Variants in PDE1A observed in about 807,000 individuals in gnomAD.
The protein encoded by PDE1A is dual specificity calcium/calmodulin-dependent 3',5'-cyclic nucleotide phosphodiesterase 1A.
PDE1A carries 35 observed loss-of-function variants against 61.7 expected under a neutral mutation model. The observed-to-expected ratio is 0.57, with a 90% CI of 0.43 to 0.75. The LOEUF (loss-of-function observed/expected upper bound fraction) is 0.75. PDE1A is among the 30% of genes least tolerant of loss of function. The pLI, the probability that PDE1A is intolerant of heterozygous loss-of-function variation, is 0.00. For synonymous variants in PDE1A, 232 were observed against 213.2 expected, an observed-to-expected ratio of 1.09 and a Z score of -0.77; for missense variants, 597 against 630.6, an observed-to-expected ratio of 0.95 and a Z score of 0.57.
the PDE1A span, among the ~76,000 whole-genome samples, chr2:182,612,795 A>T: frequency 6.6e-6 from 1 of 152,230 alleles, no homozygotes; most frequent in Non-Finnish European, 1.5e-5. Flanking sequence ...TTTAGATCGA[A>T]ATTAAATTGA....
intron 2 of PDE1A, among the ~76,000 whole-genome samples, chr2:182,255,918 C>T (rs906552968): frequency 6.6e-6 from 1 of 151,680 alleles, no homozygotes; most frequent in Non-Finnish European, 1.5e-5. Flanking sequence ...ATGATCCACC[C>T]GCCTCGGCCT....
At chr2:182,305,994 A>T (rs1461963919) in intron 1 of PDE1A, among the ~76,000 whole-genome samples, 1 of 152,108 alleles carries the variant, frequency 6.6e-6, no homozygotes, top group Non-Finnish European at 1.5e-5. Context: ...TATTTCTCTT[A>T]TTTAACTAAA....
intron 1 of PDE1A, among the ~76,000 whole-genome samples, chr2:182,399,874 T>G (rs1158557945): frequency 6.6e-6 from 1 of 152,066 alleles, no homozygotes; most frequent in Non-Finnish European, 1.5e-5. Context: ...TTACAAACAA[T>G]GCTGAAATCA....
intron 13 of PDE1A, among the ~76,000 whole-genome samples, chr2:182,158,907 T>C (rs114347559): frequency 0.016 from 2,483 of 152,318 alleles, 63 homozygotes; most frequent in African/African-American, 0.057. Context: ...TAAATACATA[T>C]GACAGAGATC....
chr2:182,198,586 G>T (rs1405908061), intron 10 of PDE1A, among the ~76,000 whole-genome samples: 1 of 151,368 alleles, frequency 6.6e-6, no homozygotes, highest in African/African-American at 2.4e-5. Flanking sequence ...ATATCTATAG[G>T]GTTGATAATT....
chr2:182,207,961 G>A (rs1373101400), intron 7 of PDE1A, among the ~76,000 whole-genome samples: 7 of 152,360 alleles, frequency 4.6e-5, no homozygotes, highest in African/African-American at 1.7e-4. Context: ...AGGCCTGTAG[G>A]TATGCAGACA....
chr2:182,218,686 G>T (rs1179898326), intron 7 of PDE1A, among the ~76,000 whole-genome samples: 2 of 152,140 alleles, frequency 1.3e-5, no homozygotes, highest in East Asian at 1.9e-4. Flanking sequence ...GGAATGTTTT[G>T]TAAAATGCTT....
the PDE1A span, among the ~76,000 whole-genome samples, chr2:182,537,684 G>T: frequency 3.3e-5 from 5 of 151,938 alleles, no homozygotes; most frequent in East Asian, 1.9e-4. Context: ...AATTAAGAAG[G>T]CCTGTATATA....
intron 13 of PDE1A, among the ~76,000 whole-genome samples, chr2:182,170,670 C>T (rs78637520): frequency 0.033 from 4,975 of 151,984 alleles, 268 homozygotes; most frequent in African/African-American, 0.11. Flanking sequence ...TAAGTTCTCA[C>T]CTTGGATTTA....
At chr2:182,665,618 G>A in the PDE1A span, among the ~76,000 whole-genome samples, 2 of 152,100 alleles carry the variant, frequency 1.3e-5, no homozygotes, top group African/African-American at 4.8e-5. Context: ...ACTGTTGGTG[G>A]GAATGTAAAT....
rs938150350 is a variant in PDE1A, at chr2:182,209,101, A to G, written c.777-3036T>C. ...AAGTGGAATAATGTATTATTAGTCC[A>G]TTTTCAAGCTGCTGATAAAGACATA... On this transcript the variant is annotated intron_variant, in intron 7 of 13. Coordinates refer to ENST00000351439, the Ensembl canonical transcript of PDE1A. 8.3e-4 allele frequency among the ~76,000 whole-genome samples: 127 copies of G among 152,260 alleles called. 2 individuals are homozygous for G. Among genetic ancestry groups the G allele is most frequent in the African/African-American group, 3.0e-3 (125 of 41,532 alleles).
the PDE1A span, among the ~76,000 whole-genome samples, chr2:182,582,984 A>C: frequency 6.6e-6 from 1 of 152,180 alleles, no homozygotes; most frequent in Non-Finnish European, 1.5e-5. Flanking sequence ...CTTGAACCAG[A>C]CCTTTAAAAT....
chr2:182,386,401 A>C (rs1701084520), intron 1 of PDE1A, among the ~76,000 whole-genome samples: 1 of 150,246 alleles, frequency 6.7e-6, no homozygotes, highest in Non-Finnish European at 1.5e-5. Flanking sequence ...AGAAGTGAGG[A>C]GTGTCTCTGC....
chr2:182,419,215 C>T (rs929338723), intron 1 of PDE1A, among the ~76,000 whole-genome samples: 5 of 152,074 alleles, frequency 3.3e-5, no homozygotes, highest in African/African-American at 1.2e-4. Context: ...AACACAAATG[C>T]ATTTTATTCA....
At chr2:182,623,975 A>G in the PDE1A span, among the ~76,000 whole-genome samples, 1 of 152,014 alleles carries the variant, frequency 6.6e-6, no homozygotes, top group Non-Finnish European at 1.5e-5. Context: ...AATACAAAAA[A>G]TTAGCCGGGC....
intron 13 of PDE1A, among the ~76,000 whole-genome samples, chr2:182,158,897 T>G (rs1201743111): frequency 6.6e-6 from 1 of 152,214 alleles, no homozygotes; most frequent in Non-Finnish European, 1.5e-5. Context: ...ATACAGAAAT[T>G]AAATACATAT....
chr2:182,542,940 T>C, the PDE1A span, among the ~76,000 whole-genome samples: 5 of 152,344 alleles, frequency 3.3e-5, no homozygotes, highest in African/African-American at 1.2e-4. Flanking sequence ...AGAGTGTATG[T>C]ACATTTATAA....
intron 2 of PDE1A, among the ~76,000 whole-genome samples, chr2:182,471,694 A>C (rs1254295266): frequency 1.3e-5 from 2 of 151,728 alleles, no homozygotes; most frequent in Non-Finnish European, 2.9e-5. Context: ...TAGTGTTCCA[A>C]CTCTTCAGTG....
chr2:182,710,307 G>A, the PDE1A span, among the ~76,000 whole-genome samples: 2 of 152,140 alleles, frequency 1.3e-5, no homozygotes, highest in African/African-American at 4.8e-5. Flanking sequence ...GATTACCACA[G>A]TTGAATGAAT....
Sources: gnomAD v4.1 joint callset for allele counts (sites outside exome capture counted in the v4.1 genomes callset) on GRCh38, gnomAD v4.1.1 for gene constraint, MANE v1.5 for transcripts, NCBI Gene and HGNC (gene_info 2026-07-23, HGNC 2026-07-21) for gene names.